CTNND2: variants seen among roughly 807,000 people sequenced by gnomAD.
The protein encoded by CTNND2 is catenin delta 2.
A neutral mutation model predicts 144.4 loss-of-function variants in CTNND2; 22 were observed. The observed-to-expected ratio is 0.15, with a 90% CI of 0.11 to 0.22. The LOEUF is 0.22. Ranked by LOEUF, CTNND2 falls within the 10% of genes least tolerant of loss-of-function variation. The probability of loss-of-function intolerance (pLI) is 1.00; values close to 1 mark genes in which losing one functional copy is unlikely to be tolerated. For missense variants in CTNND2, 1,353 were observed against 1,618.8 expected (o/e 0.84, Z 2.82); for synonymous variants, 751 against 695.6 (o/e 1.08, Z -1.25).
At chr5:11,129,719 G>A (rs1385345466) in intron 12 of CTNND2, among the ~76,000 whole-genome samples, 1 of 152,048 alleles carries the variant, frequency 6.6e-6, no homozygotes, top group Non-Finnish European at 1.5e-5. Flanking sequence ...TCTAGGACAT[G>A]AGTACACTGG....
Position 11,098,047 on chromosome 5 carries a change from T to C in CTNND2, c.2637+528A>G, listed in dbSNP as rs1215172488. On this transcript the variant is annotated intron_variant, in intron 15 of 21. Coordinates refer to ENST00000304623, the MANE Select transcript of CTNND2 (RefSeq NM_001332.4). ...GCTGTTCTAATCTCCTCTCCAATCA[T>C]AAATTTACTTTAACATGTTTGCCAA... Among the ~76,000 whole-genome samples, 8 of 152,368 alleles carry C rather than the reference T, an allele frequency of 5.3e-5. No individual in the cohort carries two copies. In the East Asian group the frequency reaches 1.5e-3, roughly 29 times the overall value.
intron 1 of CTNND2, among the ~76,000 whole-genome samples, chr5:11,866,991 G>A (rs1016889096): frequency 1.2e-4 from 19 of 152,218 alleles, no homozygotes; most frequent in Non-Finnish European, 2.8e-4. Flanking sequence ...ACAAATGCAT[G>A]ATGTGGCATT....
In CTNND2 at chr5:11,384,654, C is replaced by A. The variant is rs749309249; in HGVS notation, c.1177+11G>T. The A allele has an allele frequency of 6.3e-7, 1 of 1,591,606 alleles. No individual in the cohort carries two copies. Among genetic ancestry groups the A allele is most frequent in the South Asian group, 1.1e-5 (1 of 89,312 alleles). Reference sequence around the variant, plus strand: ...CCAGGTGAGTCGCGCCAGGTGGCAGCGAGCCTTTACCTGCCAGGCTGCCCG... The same window carrying A: ...CCAGGTGAGTCGCGCCAGGTGGCAGAGAGCCTTTACCTGCCAGGCTGCCCG... On this transcript the variant is annotated intron_variant, in intron 7 of 21. Transcript: ENST00000304623. The surrounding 1 kb of genome is among the most constrained non-coding windows in gnomAD (Gnocchi z 5.2).
intron 3 of CTNND2, among the ~76,000 whole-genome samples, chr5:11,483,811 A>C (rs527506700): frequency 1.3e-5 from 2 of 152,340 alleles, no homozygotes; most frequent in South Asian, 4.1e-4. Context: ...AACTCCCAGG[A>C]GTATACTGGA....
intron 9 of CTNND2, among the ~76,000 whole-genome samples, chr5:11,324,735 T>C (rs1486856381): frequency 1.3e-5 from 2 of 152,322 alleles, no homozygotes; most frequent in East Asian, 1.9e-4. Flanking sequence ...CAGTGTGCCA[T>C]TGAACGTGGA....
At chr5:11,681,868 T>G (rs1322961535) in intron 2 of CTNND2, among the ~76,000 whole-genome samples, 3 of 152,232 alleles carry the variant, frequency 2.0e-5, no homozygotes, top group African/African-American at 7.2e-5. Context: ...TTTTTCTCAG[T>G]AGCATTCCTG....
intron 2 of CTNND2, among the ~76,000 whole-genome samples, chr5:11,693,835 C>T (rs1283888138): frequency 3.9e-5 from 6 of 152,304 alleles, no homozygotes; most frequent in Admixed American, 6.5e-5. Flanking sequence ...ACTGAGCTAT[C>T]GCTCCTAGGA....
chr5:10,986,408 G>A (rs1267829809), intron 20 of CTNND2, among the ~76,000 whole-genome samples: 1 of 152,212 alleles, frequency 6.6e-6, no homozygotes, highest in African/African-American at 2.4e-5. Context: ...CTTAATCTCA[G>A]TGTATCATCC....
intron 1 of CTNND2, among the ~76,000 whole-genome samples, chr5:11,901,710 A>T (rs1293543298): frequency 6.6e-6 from 1 of 152,226 alleles, no homozygotes; most frequent in Non-Finnish European, 1.5e-5. Context: ...CCATTCAATC[A>T]GATAATATCA....
chr5:11,861,440 T>C (rs1328962505), intron 1 of CTNND2, among the ~76,000 whole-genome samples: 1 of 152,226 alleles, frequency 6.6e-6, no homozygotes, highest in Non-Finnish European at 1.5e-5. Flanking sequence ...GGGAGTCATC[T>C]TTTATCCAGC....
chr5:11,745,797 A>T (rs2126774754), intron 1 of CTNND2, among the ~76,000 whole-genome samples: 1 of 152,188 alleles, frequency 6.6e-6, no homozygotes, highest in South Asian at 2.1e-4. Context: ...TTTTTCCCTA[A>T]ATTTATTTGA....
intron 12 of CTNND2, among the ~76,000 whole-genome samples, chr5:11,132,799 A>G (rs915327970): frequency 3.9e-5 from 6 of 152,204 alleles, no homozygotes; most frequent in African/African-American, 1.2e-4. Context: ...CTTAATCCCC[A>G]TAAGTTTAAA....
chr5:11,253,948 GT>G (rs1743935635), intron 9 of CTNND2, among the ~76,000 whole-genome samples: 1 of 151,948 alleles, frequency 6.6e-6, no homozygotes, highest in Admixed American at 6.5e-5. Context: ...AATTTTTTAT[GT>G]TTACTTACTT....
intron 2 of CTNND2, among the ~76,000 whole-genome samples, chr5:11,622,569 T>C (rs1163303613): frequency 6.6e-6 from 1 of 152,142 alleles, no homozygotes; most frequent in East Asian, 1.9e-4. Flanking sequence ...AAGGTGCAAT[T>C]GATTGAACTG....
intron 3 of CTNND2, among the ~76,000 whole-genome samples, chr5:11,550,573 A>C (rs1663206965): frequency 1.3e-5 from 2 of 152,328 alleles, no homozygotes; most frequent in South Asian, 4.1e-4. Context: ...ACAAAGGAAT[A>C]ATGTGTGACA....
Position 11,159,562 on chromosome 5 carries a change from G to C in CTNND2, c.2159+14C>G. ...GAAGATGGTGGGAGGAGGCACTCGT[G>C]ACACAGGACTGACCTTAGGCACCCG... On this transcript the variant is annotated intron_variant, in intron 12 of 21. Coordinates refer to ENST00000304623, the MANE Select transcript of CTNND2 (RefSeq NM_001332.4). 1 of 1,586,508 alleles carries C rather than the reference G, an allele frequency of 6.3e-7. No homozygotes were observed. The highest frequency in any genetic ancestry group is 1.2e-5 in the South Asian group (1 of 86,114).
chr5:11,014,628 A>G (rs1407791626), intron 18 of CTNND2, among the ~76,000 whole-genome samples: 1 of 152,238 alleles, frequency 6.6e-6, no homozygotes, highest in Non-Finnish European at 1.5e-5. Context: ...TTCCAAATGC[A>G]GCATGAATCA....
At chr5:11,429,712 A>G (rs1581175941) in intron 3 of CTNND2, among the ~76,000 whole-genome samples, 1 of 152,172 alleles carries the variant, frequency 6.6e-6, no homozygotes, top group Admixed American at 6.5e-5. Flanking sequence ...GCACCACAGA[A>G]GATTAGACTT....
intron 3 of CTNND2, among the ~76,000 whole-genome samples, chr5:11,511,011 A>C (rs1771588172): frequency 6.6e-6 from 1 of 152,200 alleles, no homozygotes; most frequent in South Asian, 2.1e-4. Flanking sequence ...CATACAGCAA[A>C]GACTCTACAT....
Sources: allele counts gnomAD v4.1 joint callset (sites outside exome capture counted in the v4.1 genomes callset), GRCh38; gene constraint gnomAD v4.1.1; non-coding constraint Gnocchi (gnomAD v3.1); transcripts MANE v1.5; gene names NCBI Gene and HGNC (gene_info 2026-07-23, HGNC 2026-07-21).